The following ZNF462 variants were observed in gnomAD, a reference collection of about 807,000 sequenced individuals.
ZNF462 encodes the protein zinc finger protein 462.
ZNF462 carries 10 observed loss-of-function variants against 201.9 expected under a neutral mutation model. That is an observed-to-expected ratio of 0.05 (90% CI 0.03 to 0.08). The LOEUF (loss-of-function observed/expected upper bound fraction) is 0.08. Ranked by LOEUF, ZNF462 falls within the 10% of genes least tolerant of loss-of-function variation. The pLI is 1.00. For missense variants in ZNF462, 2,523 were observed against 3,168.3 expected (o/e 0.80, Z 4.89); for synonymous variants, 1,227 against 1,193.3 (o/e 1.03, Z -0.58).
chr9:106,933,458 A>G lies in ZNF462; in HGVS notation c.6116+909A>G, dbSNP rs1432606774. Among the ~76,000 whole-genome samples the G allele has an allele frequency of 6.6e-6, 1 of 152,182 alleles. No homozygotes were observed. Among genetic ancestry groups the G allele is most frequent in the East Asian group, 1.9e-4 (1 of 5,200 alleles). On this transcript the variant is annotated intron_variant, in intron 5 of 12. Transcript: ENST00000277225. The surrounding 1 kb of genome is among the most constrained non-coding windows in gnomAD (Gnocchi z 4.3). Reference sequence around the variant, plus strand: ...ATTGGCATAAAACTTGAAATACTTCAATTCAAGAAGTATTTATTGAACAGC... The same window carrying G: ...ATTGGCATAAAACTTGAAATACTTCGATTCAAGAAGTATTTATTGAACAGC...
In ZNF462 at chr9:106,927,024, G is replaced by A; in HGVS notation, c.3112G>A (p.Ala1038Thr). The A allele has an allele frequency of 1.2e-6, 2 of 1,614,098 alleles. No homozygotes were observed. The highest frequency in any genetic ancestry group is 1.7e-6 in the Non-Finnish European group (2 of 1,180,006). ...TTATGATTGTGATGTTTGTTCGTTT[G>A]CAAGCCCCAACATGCATTCTGTCTT... is the stretch of plus-strand genomic sequence containing the variant. Reference protein sequence around the residue: ...VVYDCDVCSFASPNMHSVLVH... With the variant: ...VVYDCDVCSFTSPNMHSVLVH... Residue 1038 changes from alanine (A) to threonine (T), a missense_variant, in exon 3 of 13, where the codon GCA (alanine) becomes ACA (threonine). Physicochemically the swap from Ala to Thr is moderately conservative, Grantham distance 58 (BLOSUM62 0). Coordinates refer to ENST00000277225, the MANE Select transcript of ZNF462 (RefSeq NM_021224.6).
rs148746983 is a variant in ZNF462 at position 107,008,194 on chromosome 9, A to G, written c.7190-1351A>G. Among the ~76,000 whole-genome samples the G allele has an allele frequency of 2.4e-4, 36 of 152,310 alleles. No homozygotes were observed. In the East Asian group the frequency reaches 5.8e-3, roughly 24 times the overall value. On this transcript the variant is annotated intron_variant, in intron 11 of 12. Coordinates refer to ENST00000277225, the MANE Select transcript of ZNF462 (RefSeq NM_021224.6). This position sits in a 1 kb window ranked among gnomAD's most constrained non-coding sequence, Gnocchi z 4.8. ...AAGGCATTCTGTTGATTTCTTGCCC[A>G]AGATAATCCCTGCTAAGGAATTAAT...
chr9:106,928,294 C>G lies in ZNF462; in HGVS notation c.4382C>G (p.Ala1461Gly). The change falls in exon 3 of 13, where the codon GCC (alanine) becomes GGC (glycine). Residue 1461 changes from alanine (A) to glycine (G), a missense_variant. Coordinates refer to ENST00000277225, the MANE Select transcript of ZNF462 (RefSeq NM_021224.6). The surrounding 1 kb of genome is among the most constrained non-coding windows in gnomAD (Gnocchi z 9.3). ...GAGAAAAGCCTGCAGCTAGCTTCAGCCAACCCCGCCATATCCTCCACCCCA... is the reference window on the plus strand; with the variant it reads ...GAGAAAAGCCTGCAGCTAGCTTCAGGCAACCCCGCCATATCCTCCACCCCA... ...SPEKSLQLAS[A>G]NPAISSTPYQ... 3 of 1,613,824 alleles carry G rather than the reference C, an allele frequency of 1.9e-6. No individual in the cohort carries two copies. The highest frequency in any genetic ancestry group is 2.5e-6 in the Non-Finnish European group (3 of 1,179,896).
Position 106,929,078 on chromosome 9 carries a change from T to G in ZNF462, c.5166T>G (p.Ile1722Met), listed in dbSNP as rs1432076876. The part of the protein sequence containing the change: ...LAAHYQKRHD[I>M]DAYYTHCLAA... ...CCCACTACCAGAAGCGCCACGACATTGATGCGTATTACACTCACTGCTTGG... is the reference window on the plus strand; with the variant it reads ...CCCACTACCAGAAGCGCCACGACATGGATGCGTATTACACTCACTGCTTGG... The change falls in exon 3 of 13, where the codon ATT becomes ATG. Residue 1722 changes from isoleucine to methionine, a missense_variant. Transcript: ENST00000277225. The surrounding 1 kb of genome is among the most constrained non-coding windows in gnomAD (Gnocchi z 8.7). The G allele has an allele frequency of 6.2e-7, 1 of 1,614,074 alleles. No homozygotes were observed. The highest frequency in any genetic ancestry group is 2.2e-5 in the East Asian group (1 of 44,862).
chr9:106,867,464 A>G (rs1041709532), intron 1 of ZNF462, among the ~76,000 whole-genome samples: 2 of 152,004 alleles, frequency 1.3e-5, no homozygotes, highest in Non-Finnish European at 2.9e-5. Flanking sequence ...GGATCCTCAC[A>G]TTGCATAATA....
At chr9:106,976,468 T>C (rs888738999) in intron 9 of ZNF462, 2 of 152,162 alleles carry the variant, frequency 1.3e-5, no homozygotes, top group South Asian at 2.1e-4. Flanking sequence ...ATAAATACAA[T>C]AGTAAGTTTT....
chr9:106,930,782 T>C lies in ZNF462; in HGVS notation c.6012+93T>C. 6.8e-7 allele frequency: 1 copy of C among 1,468,436 alleles called. No homozygotes were observed. The highest frequency in any genetic ancestry group is 1.3e-5 in the South Asian group (1 of 78,678). 91.0% of individuals were successfully genotyped at this position (1,468,436 alleles called of 1,614,324 possible). A position where few individuals can be genotyped will look rare whatever the true frequency, so the allele number is the denominator to read the frequency against. On this transcript the variant is annotated intron_variant, in intron 4 of 12. Transcript: ENST00000277225. This position sits in a 1 kb window ranked among gnomAD's most constrained non-coding sequence, Gnocchi z 5.8. ...CTAAAGCAGCTCAGGAAAGAGCATC[T>C]CAGAATGCGGGCATTCCTGAATTAT... is the stretch of plus-strand genomic sequence containing the variant.
rs1284390720 is a variant in ZNF462, at chr9:107,013,032, C to T, written c.*2002C>T. ...TGTGTCTATATTTGTTTTTAATTGG[C>T]CTCATTTCAAATGTATTAAACAGTT... On this transcript the variant is annotated 3_prime_UTR_variant, in exon 13 of 13. Coordinates refer to ENST00000277225, the MANE Select transcript of ZNF462 (RefSeq NM_021224.6). 2 of 137,006 alleles carry T rather than the reference C, an allele frequency of 1.5e-5. No homozygotes were observed. The highest frequency in any genetic ancestry group is 7.2e-5 in the African/African-American group (2 of 27,880). The allele number at this position is 137,006 out of a possible 1,614,324, so 8.5% of individuals were successfully genotyped here.
rs1829963418 is a variant in ZNF462, at chr9:107,012,290, T to C, written c.*1260T>C. On this transcript the variant is annotated 3_prime_UTR_variant, in exon 13 of 13. Transcript: ENST00000277225. Reference sequence around the variant, plus strand: ...GGCTTTTGTGTGTGATTTTAAAATCTGTGTTTTGTTTCTGCTGGCATTGTG... The same window carrying C: ...GGCTTTTGTGTGTGATTTTAAAATCCGTGTTTTGTTTCTGCTGGCATTGTG... The C allele has an allele frequency of 1.3e-5, 2 of 151,310 alleles. No homozygotes were observed. The highest frequency in any genetic ancestry group is 4.9e-5 in the African/African-American group (2 of 40,996). 9.4% of individuals were successfully genotyped at this position (151,310 alleles called of 1,614,324 possible).
In ZNF462 at chr9:106,933,683, G is replaced by A. The variant is rs1044365761; in HGVS notation, c.6116+1134G>A. 1.3e-5 allele frequency among the ~76,000 whole-genome samples: 2 copies of A among 152,120 alleles called. No individual in the cohort carries two copies. Among genetic ancestry groups the A allele is most frequent in the Non-Finnish European group, 2.9e-5 (2 of 68,026 alleles). The stretch of plus-strand genomic sequence containing the variant: ...CCACTGACTCATCAAAATAAAGCAC[G>A]TCTTTGAAAATATCAGTAAAATACT... On this transcript the variant is annotated intron_variant, in intron 5 of 12. Transcript: ENST00000277225. This position sits in a 1 kb window ranked among gnomAD's most constrained non-coding sequence, Gnocchi z 4.3.
Position 106,923,993 on chromosome 9 carries a change from C to T in ZNF462, c.221-140C>T. 1.4e-6 allele frequency: 1 copy of T among 704,710 alleles called. No homozygotes were observed. The highest frequency in any genetic ancestry group is 2.3e-6 in the Non-Finnish European group (1 of 430,614). 43.7% of individuals were successfully genotyped at this position (704,710 alleles called of 1,614,324 possible). A position where few individuals can be genotyped will look rare whatever the true frequency, so the allele number is the denominator to read the frequency against. ...TCTTCATTGATGCTTTGTGAATACT[C>T]TTCAAGGCCTCATCTTGAGACTTCA... On this transcript the variant is annotated intron_variant, in intron 2 of 12. Coordinates refer to ENST00000277225, the MANE Select transcript of ZNF462 (RefSeq NM_021224.6). This position sits in a 1 kb window ranked among gnomAD's most constrained non-coding sequence, Gnocchi z 5.6.
Position 107,003,235 on chromosome 9 carries a change from G to C in ZNF462, c.7057-59G>C. 1 of 1,598,502 alleles carries C rather than the reference G, an allele frequency of 6.3e-7. No homozygotes were observed. Among genetic ancestry groups the C allele is most frequent in the Non-Finnish European group, 8.5e-7 (1 of 1,172,304 alleles). On this transcript the variant is annotated intron_variant, in intron 10 of 12. Transcript: ENST00000277225. The surrounding 1 kb of genome is among the most constrained non-coding windows in gnomAD (Gnocchi z 4.4). ...TGATGTTAGAAAGATCTCTCCATCA[G>C]GGAGAACCCCATTTGGTCTGCGGTT...
chr9:107,000,290 A>G (rs765042898), intron 10 of ZNF462, among the ~76,000 whole-genome samples: 3 of 151,816 alleles, frequency 2.0e-5, no homozygotes, highest in Non-Finnish European at 4.4e-5. Context: ...AGAAATTTGT[A>G]TTTCATCCTC....
intron 10 of ZNF462, among the ~76,000 whole-genome samples, chr9:107,000,691 C>A (rs1829119565): frequency 6.6e-6 from 1 of 152,140 alleles, no homozygotes; most frequent in African/African-American, 2.4e-5. Flanking sequence ...GGATGAACAT[C>A]ATACTGTGAA....
rs1272003014 is a variant in ZNF462 at position 106,929,822 on chromosome 9, C to CT, written c.5847+65dup. 6.2e-6 allele frequency: 9 copies of CT among 1,453,698 alleles called. No homozygotes were observed. The highest frequency in any genetic ancestry group is 8.4e-6 in the Non-Finnish European group (9 of 1,069,744). 90.0% of individuals were successfully genotyped at this position (1,453,698 alleles called of 1,614,324 possible). On this transcript the variant is annotated intron_variant, in intron 3 of 12. Transcript: ENST00000277225. This position sits in a 1 kb window ranked among gnomAD's most constrained non-coding sequence, Gnocchi z 8.7. Reference sequence around the variant, plus strand: ...CTCTCATCACTGGTGCCCACATGCACTTCTTCGTTGCCAGCCAAACTGCTG... The same window carrying CT: ...CTCTCATCACTGGTGCCCACATGCACTTTCTTCGTTGCCAGCCAAACTGCTG...
intron 7 of ZNF462, among the ~76,000 whole-genome samples, chr9:106,958,436 C>T (rs1235692631): frequency 6.6e-6 from 1 of 152,096 alleles, no homozygotes; most frequent in Non-Finnish European, 1.5e-5. Flanking sequence ...AATACCCTGT[C>T]TTTAAAAGGG....
chr9:106,924,672 C>A lies in ZNF462; in HGVS notation c.760C>A (p.Arg254Ser). The change falls in exon 3 of 13, where the codon CGC becomes AGC. Residue 254 changes from arginine to serine, a missense_variant. Arg to Ser is a moderately radical substitution (Grantham distance 110). Around this residue, in one of 15 missense-constraint regions of ZNF462, gnomAD observed 480 missense variants for 544.4 expected, o/e 0.88. Transcript: ENST00000277225. This position sits in a 1 kb window ranked among gnomAD's most constrained non-coding sequence, Gnocchi z 6.2. ...CCEWCSYQTP[R>S]RERWCDHMMK... ...TGAGTGGTGCAGCTACCAGACCCCC[C>A]GCCGAGAACGCTGGTGTGACCACAT... The A allele has an allele frequency of 6.2e-7, 1 of 1,614,148 alleles. No individual in the cohort carries two copies. The highest frequency in any genetic ancestry group is 1.1e-5 in the South Asian group (1 of 91,064).
rs1830266365 is a variant in ZNF462, at chr9:106,927,923, A to G, written c.4011A>G (p.Glu1337=). The G allele has an allele frequency of 4.3e-6, 7 of 1,614,060 alleles. No individual in the cohort carries two copies. The highest frequency in any genetic ancestry group is 5.1e-6 in the Non-Finnish European group (6 of 1,180,046). The change falls in exon 3 of 13, where the codon GAA becomes GAG. Residue 1337 remains glutamate (E), a synonymous_variant. Coordinates refer to ENST00000277225, the MANE Select transcript of ZNF462 (RefSeq NM_021224.6). ...TGCATTACCAACGGAGGCATCCAGA[A>G]CACTATGTTGATTACACCTACATGG... ...LLLHYQRRHP[E]HYVDYTYMAT...
rs997600600 is a variant in ZNF462, at chr9:106,926,516, C to T, written c.2604C>T (p.Tyr868=). The part of the protein sequence containing the change: ...VSTHYQRMHP[Y]IKFSFRYILD... The stretch of plus-strand genomic sequence containing the variant: ...CCCACTACCAACGAATGCACCCATA[C>T]ATTAAATTCAGCTTTAGGTACATCT... Residue 868 remains tyrosine (Y), a synonymous_variant, in exon 3 of 13, where the codon TAC becomes TAT. Transcript: ENST00000277225. The surrounding 1 kb of genome is among the most constrained non-coding windows in gnomAD (Gnocchi z 7.9). 2.5e-6 allele frequency: 4 copies of T among 1,614,026 alleles called. No individual in the cohort carries two copies. The highest frequency in any genetic ancestry group is 1.3e-5 in the African/African-American group (1 of 74,904).
Sources: gnomAD v4.1 joint callset for allele counts (sites outside exome capture counted in the v4.1 genomes callset) on GRCh38, gnomAD v4.1.1 for gene constraint, gnomAD v4.1.1 regional missense constraint, Gnocchi (gnomAD v3.1) non-coding constraint, MANE v1.5 for transcripts, NCBI Gene and HGNC (gene_info 2026-07-23, HGNC 2026-07-21) for gene names.